Variants in IFT57 observed in about 807,000 individuals in gnomAD.
IFT57 encodes intraflagellar transport protein 57 homolog.
Under a neutral mutation model 56.8 loss-of-function variants are expected in IFT57, and 59 were observed. The observed-to-expected ratio is 1.04, with a 90% CI of 0.84 to 1.29. IFT57 has a LOEUF of 1.29. Among genes scored for constraint, IFT57 ranks in the 50% most tolerant of loss-of-function variants. The pLI, the probability that IFT57 is intolerant of heterozygous loss-of-function variation, is 0.00. For synonymous variants in IFT57, 209 were observed against 186.1 expected (o/e 1.12, Z -1.00); for missense variants, 470 against 522.1 (o/e 0.90, Z 0.97).
chr3:108,218,976 C>T (rs2080389554), intron 2 of IFT57, among the ~76,000 whole-genome samples: 1 of 152,122 alleles, frequency 6.6e-6, no homozygotes, highest in Non-Finnish European at 1.5e-5. Flanking sequence ...GAGTGATTCA[C>T]TTGTCAAAAA....
chr3:108,214,684 C>A (rs2080360955), intron 3 of IFT57, among the ~76,000 whole-genome samples: 1 of 152,144 alleles, frequency 6.6e-6, no homozygotes, highest in Non-Finnish European at 1.5e-5. Context: ...GTTTTAACTG[C>A]ATTTCTTTAG....
In IFT57 at chr3:108,174,155, G is replaced by T. The variant is rs192089706; in HGVS notation, c.778-6291C>A. On this transcript the variant is annotated intron_variant, in intron 6 of 10. Coordinates refer to ENST00000264538, the MANE Select transcript of IFT57 (RefSeq NM_018010.4). ...ATTACTTTAATTATCAGGAAAAAAA[G>T]ACAAAAACCTTCTAGATGCCCAAGA... Among the ~76,000 whole-genome samples the T allele has an allele frequency of 4.6e-3, 695 of 151,388 alleles. 3 individuals are homozygous for T. Among genetic ancestry groups the T allele is most frequent in the African/African-American group, 0.016 (666 of 41,346 alleles).
intron 3 of IFT57, 171 bp downstream of exon 3, chr3:108,218,364 C>T (rs2080385050): frequency 9.1e-6 from 4 of 437,286 alleles, no homozygotes; most frequent in South Asian, 1.2e-4. Flanking sequence ...GTTTTGAAGA[C>T]GTGAGACATT....
chr3:108,180,674 A>C (rs2080146958), intron 6 of IFT57, among the ~76,000 whole-genome samples: 1 of 152,056 alleles, frequency 6.6e-6, no homozygotes, highest in African/African-American at 2.4e-5. Context: ...CATAGGCGTA[A>C]AATTTGTTAG....
chr3:108,181,593 GTTTAT>G (rs2080151392), intron 6 of IFT57, among the ~76,000 whole-genome samples: 1 of 152,072 alleles, frequency 6.6e-6, no homozygotes. Flanking sequence ...AATTTAGGCA[GTTTAT>G]TTTAATAGCA....
chr3:108,173,997 AGTGTGTGTGTGTGTGTGTGT>A lies in IFT57; in HGVS notation c.778-6153_778-6134del, dbSNP rs34537693. Among the ~76,000 whole-genome samples the A allele has an allele frequency of 6.4e-3, 645 of 100,762 alleles. 4 individuals are homozygous for A. The highest frequency in any genetic ancestry group is 0.021 in the African/African-American group (619 of 29,328). 66.1% of individuals were successfully genotyped at this position (100,762 alleles called of 152,430 possible). ...AAAAATCAGTATTTGCATATATTTGAGTGTGTGTGTGTGTGTGTGTGTGTGTGTGTGTGTGTGTGTGTGTG... is the reference window on the plus strand; with the variant it reads ...AAAAATCAGTATTTGCATATATTTGAGTGTGTGTGTGTGTGTGTGTGTGTG... On this transcript the variant is annotated intron_variant, in intron 6 of 10. Transcript: ENST00000264538.
rs762043562 is a variant in IFT57, at chr3:108,218,583, T to A, written c.446A>T (p.Asp149Val). Residue 149 changes from aspartate to valine, a missense_variant, in exon 3 of 11, where the codon GAT becomes GTT. Coordinates refer to ENST00000264538, the MANE Select transcript of IFT57 (RefSeq NM_018010.4). ...TTTCAATGCTTCTTCAGCGAAGCAA[T>A]CAAGAACATAGCATACATGTTCTCC... ...GYGEHVCYVL[D>V]CFAEEALKYI... 1.9e-6 allele frequency: 3 copies of A among 1,569,266 alleles called. No homozygotes were observed. In the South Asian group the frequency reaches 3.6e-5, roughly 19 times the overall value.
intron 3 of IFT57, among the ~76,000 whole-genome samples, chr3:108,216,925 G>A (rs898810193): frequency 6.6e-6 from 1 of 152,122 alleles, no homozygotes; most frequent in African/African-American, 2.4e-5. Context: ...CATAGGATGG[G>A]AAGGGTAGGG....
At chr3:108,174,549 T>C (rs1198612943) in intron 6 of IFT57, among the ~76,000 whole-genome samples, 2 of 151,758 alleles carry the variant, frequency 1.3e-5, no homozygotes. Context: ...TATTGTCATC[T>C]CTTCTTATAC....
At chr3:108,199,673 G>T (rs775630373) in intron 5 of IFT57, among the ~76,000 whole-genome samples, 32 of 152,316 alleles carry the variant, frequency 2.1e-4, no homozygotes, top group South Asian at 1.2e-3. Flanking sequence ...TATTTACTTA[G>T]TGCCCACTAT....
At chr3:108,219,871 G>A (rs1211223424) in intron 1 of IFT57, among the ~76,000 whole-genome samples, 1 of 152,186 alleles carries the variant, frequency 6.6e-6, no homozygotes, top group Non-Finnish European at 1.5e-5. Context: ...TTGCCAAAAT[G>A]ATTTAAGTGT....
intron 5 of IFT57, among the ~76,000 whole-genome samples, chr3:108,191,917 T>C (rs565763687): frequency 1.3e-5 from 2 of 152,258 alleles, no homozygotes; most frequent in Admixed American, 6.5e-5. Flanking sequence ...TTGAACTCAA[T>C]AGGAATACCA....
intron 6 of IFT57, among the ~76,000 whole-genome samples, chr3:108,185,928 C>T (rs895571035): frequency 6.6e-6 from 1 of 151,992 alleles, no homozygotes. Context: ...AGGGACTGCC[C>T]TTTAAAGTTT....
chr3:108,175,086 G>A (rs969445404), intron 6 of IFT57, among the ~76,000 whole-genome samples: 1 of 151,564 alleles, frequency 6.6e-6, no homozygotes, highest in Non-Finnish European at 1.5e-5. Context: ...GCTTTTTTGG[G>A]GGATAAAATA....
chr3:108,168,837 T>C (rs962118096), intron 6 of IFT57, among the ~76,000 whole-genome samples: 1 of 152,116 alleles, frequency 6.6e-6, no homozygotes, highest in African/African-American at 2.4e-5. Context: ...TTCTTTTTTA[T>C]GGCTGCATGG....
chr3:108,179,902 C>CT (rs985461140), intron 6 of IFT57, among the ~76,000 whole-genome samples: 9 of 860 alleles, frequency 0.01, no homozygotes, highest in South Asian at 0.5. Context: ...ACACATATTA[C>CT]TTTAAAAAAG....
At chr3:108,208,650 T>C (rs369740740) in intron 4 of IFT57, among the ~76,000 whole-genome samples, 6 of 152,162 alleles carry the variant, frequency 3.9e-5, no homozygotes, top group African/African-American at 1.4e-4. Context: ...CCCATGACCT[T>C]ATGCTTTGCT....
chr3:108,201,268 T>C (rs2080277287), intron 5 of IFT57, among the ~76,000 whole-genome samples: 1 of 152,172 alleles, frequency 6.6e-6, no homozygotes, highest in East Asian at 1.9e-4. Flanking sequence ...AGGCCCACAA[T>C]GAAACCAAGA....
chr3:108,167,271 C>T (rs1280187511), intron 7 of IFT57: 4 of 277,616 alleles, frequency 1.4e-5, no homozygotes, highest in South Asian at 5.3e-5. Context: ...ATAACATTCA[C>T]AATCAAAGTA....
Sources: allele counts gnomAD v4.1 joint callset (sites outside exome capture counted in the v4.1 genomes callset), GRCh38; gene constraint gnomAD v4.1.1; transcripts MANE v1.5; gene names NCBI Gene and HGNC (gene_info 2026-07-23, HGNC 2026-07-21).